Variants in DOCK4 observed in about 807,000 individuals in gnomAD.
DOCK4 encodes dedicator of cytokinesis 4.
DOCK4 carries 97 observed loss-of-function variants against 268.1 expected under a neutral mutation model. The ratio of observed to expected loss-of-function variants is 0.36; its 90% CI spans 0.31 to 0.43. The LOEUF is 0.43. Ranked by LOEUF, DOCK4 falls within the 20% of genes least tolerant of loss-of-function variation. The pLI, the probability that DOCK4 is intolerant of heterozygous loss-of-function variation, is 1.00. For missense variants in DOCK4, 2,145 were observed against 2,455.7 expected, an observed-to-expected ratio of 0.87 and a Z score of 2.67; for synonymous variants, 954 against 887.2, an observed-to-expected ratio of 1.08 and a Z score of -1.34.
At chr7:112,139,033 A>C (rs960586100) in intron 1 of DOCK4, among the ~76,000 whole-genome samples, 1 of 152,158 alleles carries the variant, frequency 6.6e-6, no homozygotes, top group Non-Finnish European at 1.5e-5. Context: ...GTGAGAAATA[A>C]ATGTCTGTTT....
chr7:111,735,100 A>G lies in DOCK4; in HGVS notation c.5373T>C (p.Ser1791=). ...SGKEAKNMSD[S]GKLISPPVPP... ...GGACAGGGGGAGAGATAAGTTTCCC[A>G]CTATCCGACATGTTCTTGGCTTCCT... The change falls in exon 51 of 53, where the codon AGT becomes AGC. Residue 1791 remains serine (S), a synonymous_variant. Coordinates refer to ENST00000428084, the MANE Select transcript of DOCK4 (RefSeq NM_001363540.2). 6.2e-7 allele frequency: 1 copy of G among 1,602,212 alleles called. No individual in the cohort carries two copies. The highest frequency in any genetic ancestry group is 8.5e-7 in the Non-Finnish European group (1 of 1,174,272).
intron 37 of DOCK4, among the ~76,000 whole-genome samples, chr7:111,767,741 C>A (rs1288698970): frequency 6.6e-6 from 1 of 152,094 alleles, no homozygotes; most frequent in African/African-American, 2.4e-5. Flanking sequence ...TATAAACAGG[C>A]CCTCAGTGCA....
chr7:112,003,044 C>T (rs919605917), intron 2 of DOCK4, among the ~76,000 whole-genome samples: 45 of 142,642 alleles, frequency 3.2e-4, no homozygotes, highest in African/African-American at 1.2e-3. Context: ...GAGCAAGACT[C>T]CATCTCAAAA....
chr7:112,047,792 G>A (rs963842118), intron 1 of DOCK4, among the ~76,000 whole-genome samples: 9 of 152,234 alleles, frequency 5.9e-5, no homozygotes, highest in African/African-American at 9.6e-5. Flanking sequence ...CCCTGGGCTC[G>A]AGGGATCCTC....
intron 8 of DOCK4, among the ~76,000 whole-genome samples, chr7:111,960,131 T>C (rs1305166173): frequency 1.3e-5 from 2 of 151,982 alleles, no homozygotes; most frequent in Non-Finnish European, 2.9e-5. Context: ...TTTCGGAGGC[T>C]GAGGTGGGAG....
At chr7:111,808,034 C>T (rs1479980774) in intron 30 of DOCK4, 1 of 151,970 alleles carries the variant, frequency 6.6e-6, no homozygotes, top group Non-Finnish European at 1.5e-5. Context: ...CTTGGATAAG[C>T]CCAAGAGAAA....
chr7:111,844,986 A>T, intron 24 of DOCK4, 89 bp from the exon 25 acceptor site: 1 of 1,490,366 alleles, frequency 6.7e-7, no homozygotes, highest in East Asian at 2.3e-5. Flanking sequence ...AGAGTCAGAG[A>T]ACTTGAGGCA....
intron 21 of DOCK4, among the ~76,000 whole-genome samples, chr7:111,868,842 G>A (rs1390482116): frequency 1.3e-5 from 2 of 151,800 alleles, no homozygotes; most frequent in African/African-American, 4.8e-5. Flanking sequence ...ATTTTGTTTT[G>A]ACAGGTAGTA....
At position 111,944,519 on chromosome 7, in the gene DOCK4, G is replaced by T. The variant is rs368595365; in HGVS notation, c.844+292C>A. Among the ~76,000 whole-genome samples the T allele has an allele frequency of 6.6e-5, 10 of 152,234 alleles. 1 individual carries two copies. The East Asian group carries it at 9.7e-4, about 15-fold the overall frequency. On this transcript the variant is annotated intron_variant, in intron 10 of 52. Transcript: ENST00000428084. ...ATTAGAATTTTAAGAGACAAACACA[G>T]AATTTTTGAATCAAATATGTTTAGG... is the stretch of plus-strand genomic sequence containing the variant.
intron 36 of DOCK4, among the ~76,000 whole-genome samples, chr7:111,770,994 A>G (rs1278039906): frequency 6.6e-6 from 1 of 152,206 alleles, no homozygotes; most frequent in Non-Finnish European, 1.5e-5. Flanking sequence ...TCCTGGTTCA[A>G]TTATTATTGT....
chr7:111,747,653 T>C (rs1368127116), intron 42 of DOCK4, among the ~76,000 whole-genome samples: 1 of 152,246 alleles, frequency 6.6e-6, no homozygotes, highest in African/African-American at 2.4e-5. Flanking sequence ...ATTATACTTA[T>C]TCATTGAAAT....
At chr7:112,105,685 CTT>C (rs752689972) in intron 1 of DOCK4, among the ~76,000 whole-genome samples, 5 of 135,744 alleles carry the variant, frequency 3.7e-5, no homozygotes, top group Admixed American at 7.5e-5. Flanking sequence ...CCTCCTCTTC[CTT>C]TTTTTTTTTT....
At chr7:112,189,396 C>T (rs1340031355) in intron 1 of DOCK4, among the ~76,000 whole-genome samples, 1 of 152,148 alleles carries the variant, frequency 6.6e-6, no homozygotes, top group East Asian at 1.9e-4. Context: ...AGATCCAGTA[C>T]TGACCGAAGA....
At chr7:111,730,073 T>C (rs1182384124) in intron 52 of DOCK4, among the ~76,000 whole-genome samples, 1 of 152,190 alleles carries the variant, frequency 6.6e-6, no homozygotes, top group African/African-American at 2.4e-5. Context: ...CAGTCCCCAC[T>C]ATGCCACGTG....
At chr7:112,111,675 G>T (rs1811664671) in intron 1 of DOCK4, among the ~76,000 whole-genome samples, 1 of 152,178 alleles carries the variant, frequency 6.6e-6, no homozygotes, top group South Asian at 2.1e-4. Context: ...GAACTCATGT[G>T]ATAGTGTCCT....
rs774473959 is a variant in DOCK4 at position 111,822,342 on chromosome 7, C to T, written c.2930+20G>A. ...CCTCTATACATTGAGCTGCAATTAT[C>T]ATCAACTTAAATGTCTTACTTGTTA... On this transcript the variant is annotated intron_variant, in intron 27 of 52. Transcript: ENST00000428084. 4.4e-6 allele frequency: 7 copies of T among 1,594,350 alleles called. No individual in the cohort carries two copies. The South Asian group carries it at 5.6e-5, about 13-fold the overall frequency.
At chr7:112,123,202 T>C (rs1222782565) in intron 1 of DOCK4, among the ~76,000 whole-genome samples, 2 of 152,170 alleles carry the variant, frequency 1.3e-5, no homozygotes, top group Admixed American at 6.5e-5. Context: ...GGTTACATCT[T>C]GGTCTAATAA....
chr7:112,200,870 A>T (rs1202512542), intron 1 of DOCK4, among the ~76,000 whole-genome samples: 2 of 152,100 alleles, frequency 1.3e-5, no homozygotes, highest in East Asian at 1.9e-4. Context: ...AGGAGGCCAG[A>T]TCAAGAACAT....
intron 1 of DOCK4, among the ~76,000 whole-genome samples, chr7:112,097,192 C>G (rs1163059546): frequency 6.6e-6 from 1 of 152,178 alleles, no homozygotes; most frequent in African/African-American, 2.4e-5. Context: ...TTTTAAACTT[C>G]CTTGGCTAAG....
Sources: allele counts gnomAD v4.1 joint callset (sites outside exome capture counted in the v4.1 genomes callset), GRCh38; gene constraint gnomAD v4.1.1; transcripts MANE v1.5; gene names NCBI Gene and HGNC (gene_info 2026-07-23, HGNC 2026-07-21).